MRC1: variants seen among roughly 807,000 people sequenced by gnomAD.
MRC1 encodes macrophage mannose receptor 1.
MRC1 carries 62 observed loss-of-function variants against 102.9 expected under a neutral mutation model. That is an observed-to-expected ratio of 0.60 (90% CI 0.49 to 0.74). The LOEUF (loss-of-function observed/expected upper bound fraction) is 0.74. MRC1 is among the 30% of genes least tolerant of loss of function. MRC1 has a pLI of 0.00. For synonymous variants in MRC1, 457 were observed against 298.4 expected (o/e 1.53, Z -5.48); for missense variants, 1,237 against 862.8 (o/e 1.43, Z -5.43).
chr10:17,891,385 C>G (rs1833673433), intron 22 of MRC1, among the ~76,000 whole-genome samples: 1 of 152,032 alleles, frequency 6.6e-6, no homozygotes, highest in Non-Finnish European at 1.5e-5. Flanking sequence ...GCAGGATGCT[C>G]TCGACCTCCT....
intron 26 of MRC1, among the ~76,000 whole-genome samples, 169 bp from the exon 27 acceptor site, chr10:17,906,717 G>C (rs1833900926): frequency 6.6e-6 from 1 of 152,124 alleles, no homozygotes; most frequent in Admixed American, 6.6e-5. Context: ...ACGTATTTCA[G>C]AATGAAAACT....
chr10:17,892,966 C>T (rs1028980537), intron 22 of MRC1, among the ~76,000 whole-genome samples: 6 of 148,970 alleles, frequency 4.0e-5, no homozygotes, highest in East Asian at 2.0e-4. Context: ...GCCAGGATTG[C>T]GCCACTGCAA....
intron 6 of MRC1, among the ~76,000 whole-genome samples, chr10:17,847,074 T>C (rs1299585815): frequency 2.0e-5 from 3 of 152,212 alleles, no homozygotes; most frequent in Non-Finnish European, 1.5e-5. Context: ...AGGCTCTCCA[T>C]AGTGACGGTG....
chr10:17,869,725 A>G (rs1488877448), intron 12 of MRC1, among the ~76,000 whole-genome samples: 2 of 152,204 alleles, frequency 1.3e-5, no homozygotes, highest in Non-Finnish European at 2.9e-5. Context: ...CATAATGAAA[A>G]ATACAAGGCG....
At position 17,814,654 on chromosome 10, in the gene MRC1, G is replaced by T. The variant is rs1038836120; in HGVS notation, c.61+5128G>T. Among the ~76,000 whole-genome samples the T allele has an allele frequency of 5.2e-3, 773 of 148,168 alleles. 5 individuals are homozygous for T. The highest frequency in any genetic ancestry group is 0.018 in the African/African-American group (734 of 40,304). ...CTGAGGCTAGAAACCCTGCAGTTCC[G>T]TGTTCTCGGTCCTTCCGTCCCTCTT... On this transcript the variant is annotated intron_variant, in intron 1 of 29. Coordinates refer to ENST00000569591, the MANE Select transcript of MRC1 (RefSeq NM_002438.4).
chr10:17,887,762 A>G (rs1202826168), intron 22 of MRC1, among the ~76,000 whole-genome samples: 3 of 152,196 alleles, frequency 2.0e-5, no homozygotes, highest in African/African-American at 4.8e-5. Flanking sequence ...GATAAAGTTT[A>G]TATTTCACAA....
At chr10:17,877,847 C>A in intron 17 of MRC1, 53 bp from the exon 18 acceptor site, 1 of 870,582 alleles carries the variant, frequency 1.1e-6, no homozygotes, top group South Asian at 1.3e-5. Context: ...TGTTTAAGAA[C>A]TTCCTGATTG....
chr10:17,905,397 A>G (rs1227931661), intron 26 of MRC1, among the ~76,000 whole-genome samples: 1 of 152,152 alleles, frequency 6.6e-6, no homozygotes, highest in Non-Finnish European at 1.5e-5. Context: ...CAGTGTTCTC[A>G]TTGGTTTTAT....
intron 15 of MRC1, among the ~76,000 whole-genome samples, chr10:17,873,438 G>T (rs1554841943): frequency 1.3e-5 from 2 of 151,632 alleles, no homozygotes; most frequent in Non-Finnish European, 2.9e-5. Flanking sequence ...AAGGCTAAAT[G>T]ATTTAAACCC....
At position 17,910,393 on chromosome 10, in the gene MRC1, G is replaced by A; in HGVS notation, c.4299G>A (p.Gln1433=). 2.6e-6 allele frequency: 2 copies of A among 780,752 alleles called. No individual in the cohort carries two copies. Among genetic ancestry groups the A allele is most frequent in the African/African-American group, 1.7e-5 (1 of 59,218 alleles). The allele number at this position is 780,752 out of a possible 1,614,324, so 48.4% of individuals were successfully genotyped here. The change falls in exon 30 of 30, where the codon CAG becomes CAA. Residue 1433 remains glutamine, a synonymous_variant. Transcript: ENST00000569591. ...AFENTLYFNS[Q]SSPGTSDMKD... is the part of the protein sequence containing the mutation. ...AAAACACTCTGTATTTTAACAGTCAGTCAAGCCCAGGAACTAGTGATATGA... is the reference window on the plus strand; with the variant it reads ...AAAACACTCTGTATTTTAACAGTCAATCAAGCCCAGGAACTAGTGATATGA...
chr10:17,895,684 T>C (rs1319560086), intron 23 of MRC1, among the ~76,000 whole-genome samples: 1 of 152,234 alleles, frequency 6.6e-6, no homozygotes, highest in Non-Finnish European at 1.5e-5. Flanking sequence ...ATATACATTT[T>C]AGTTTCTAGA....
chr10:17,910,037 A>G (rs1366012040), intron 29 of MRC1, among the ~76,000 whole-genome samples, 178 bp from the exon 30 acceptor site: 1 of 152,248 alleles, frequency 6.6e-6, no homozygotes, highest in Admixed American at 6.5e-5. Flanking sequence ...TCATCTTAAC[A>G]TTCTGAATAA....
At position 17,841,872 on chromosome 10, in the gene MRC1, G is replaced by A. The variant is rs1050278737; in HGVS notation, c.916+1066G>A. On this transcript the variant is annotated intron_variant, in intron 5 of 29. Transcript: ENST00000569591. ...CCTATGGGCCATACCATTATAATAC[G>A]GTGTTCTTCAGACAGTCAGACTTCT... Among the ~76,000 whole-genome samples, 9 of 152,028 alleles carry A rather than the reference G, an allele frequency of 5.9e-5. No homozygotes were observed. In the East Asian group the frequency reaches 9.7e-4, roughly 16 times the overall value.
At chr10:17,840,305 T>C (rs1307760068) in intron 4 of MRC1, among the ~76,000 whole-genome samples, 2 of 151,696 alleles carry the variant, frequency 1.3e-5, no homozygotes, top group Non-Finnish European at 2.9e-5. Flanking sequence ...TAAAAAATGA[T>C]AAAATAAAAT....
chr10:17,809,477 C>G lies in MRC1; in HGVS notation c.12C>G (p.Pro4=), dbSNP rs1334160403. The stretch of plus-strand genomic sequence containing the variant: ...ATAAACCCTGGGCCATGAGGCTACC[C>G]CTGCTCCTGGTTTTTGCCTCTGTCA... MRL[P]LLLVFASVIP... Residue 4 remains proline, a synonymous_variant, in exon 1 of 30, where the codon CCC becomes CCG. Coordinates refer to ENST00000569591, the MANE Select transcript of MRC1 (RefSeq NM_002438.4). 4.6e-6 allele frequency: 4 copies of G among 872,638 alleles called. No individual in the cohort carries two copies. Among genetic ancestry groups the G allele is most frequent in the African/African-American group, 1.6e-5 (1 of 61,310 alleles). The allele number at this position is 872,638 out of a possible 1,614,324, so 54.1% of individuals were successfully genotyped here.
At chr10:17,889,051 A>G (rs1310039304) in intron 22 of MRC1, among the ~76,000 whole-genome samples, 2 of 152,062 alleles carry the variant, frequency 1.3e-5, no homozygotes, top group African/African-American at 4.8e-5. Flanking sequence ...TCCTTGCCCT[A>G]TAGTCTGCTC....
rs1327677725 is a variant in MRC1 at position 17,888,416 on chromosome 10, C to G, written c.3147+2981C>G. Among the ~76,000 whole-genome samples, 5 of 152,268 alleles carry G rather than the reference C, an allele frequency of 3.3e-5. No homozygotes were observed. In the East Asian group the frequency reaches 9.7e-4, roughly 29 times the overall value. On this transcript the variant is annotated intron_variant, in intron 22 of 29. Coordinates refer to ENST00000569591, the MANE Select transcript of MRC1 (RefSeq NM_002438.4). ...GTGTAGGCTGTGATTCACTGTAGCTCAAGGGATGGGTTAAAGATGTGCTGA... is the reference window on the plus strand; with the variant it reads ...GTGTAGGCTGTGATTCACTGTAGCTGAAGGGATGGGTTAAAGATGTGCTGA...
chr10:17,893,747 C>A (rs1833713509), intron 22 of MRC1, among the ~76,000 whole-genome samples: 1 of 152,168 alleles, frequency 6.6e-6, no homozygotes, highest in Admixed American at 6.5e-5. Context: ...AACTTTCTGG[C>A]TATACCAGCC....
chr10:17,868,729 C>T (rs1232722674), intron 12 of MRC1, among the ~76,000 whole-genome samples: 1 of 152,188 alleles, frequency 6.6e-6, no homozygotes, highest in Admixed American at 6.5e-5. Flanking sequence ...TGTGCAGTCT[C>T]TTCTAACTCA....
Sources: allele counts gnomAD v4.1 joint callset (sites outside exome capture counted in the v4.1 genomes callset), GRCh38; gene constraint gnomAD v4.1.1; transcripts MANE v1.5; gene names NCBI Gene and HGNC (gene_info 2026-07-23, HGNC 2026-07-21).